CSMD1: variants seen among roughly 807,000 people sequenced by gnomAD.
CSMD1 encodes the protein CUB and Sushi multiple domains 1.
CSMD1 carries 213 observed loss-of-function variants against 417.5 expected under a neutral mutation model. That is an observed-to-expected ratio of 0.51 (90% CI 0.46 to 0.57). The LOEUF (loss-of-function observed/expected upper bound fraction) is 0.57. CSMD1 is among the 20% of genes least tolerant of loss of function. CSMD1 has a pLI of 0.00. For synonymous variants in CSMD1, 2,862 were observed against 1,736.8 expected (o/e 1.65, Z -16.11); for missense variants, 6,923 against 4,529.7 (o/e 1.53, Z -15.17).
At chr8:3,916,463 C>A (rs914736076) in intron 5 of CSMD1, among the ~76,000 whole-genome samples, 13 of 152,238 alleles carry the variant, frequency 8.5e-5, no homozygotes, top group Middle Eastern at 3.4e-3. Context: ...ATTACTTATA[C>A]ATAAAGGCTT....
At chr8:4,921,519 T>C (rs1806498716) in intron 1 of CSMD1, among the ~76,000 whole-genome samples, 1 of 152,244 alleles carries the variant, frequency 6.6e-6, no homozygotes, top group Non-Finnish European at 1.5e-5. Context: ...TTGGAATCAC[T>C]ATATAGTTGG....
chr8:3,582,564 G>A (rs561598918), intron 9 of CSMD1, among the ~76,000 whole-genome samples: 1 of 152,274 alleles, frequency 6.6e-6, no homozygotes, highest in African/African-American at 2.4e-5. Context: ...AACTGTAAAT[G>A]TCTAAACTTG....
At chr8:3,380,437 C>G (rs1196383929) in intron 18 of CSMD1, among the ~76,000 whole-genome samples, 1 of 152,184 alleles carries the variant, frequency 6.6e-6, no homozygotes, top group Non-Finnish European at 1.5e-5. Flanking sequence ...GACATATACA[C>G]ACATATGTTT....
chr8:4,413,265 G>C (rs1270117248), intron 3 of CSMD1, among the ~76,000 whole-genome samples: 1 of 152,144 alleles, frequency 6.6e-6, no homozygotes, highest in Non-Finnish European at 1.5e-5. Context: ...TCCTTTCCTT[G>C]AGGCTGATCC....
chr8:4,652,798 A>G (rs1366142371), intron 1 of CSMD1, among the ~76,000 whole-genome samples: 2 of 151,712 alleles, frequency 1.3e-5, no homozygotes, highest in Non-Finnish European at 2.9e-5. Context: ...GGGTGTGGGG[A>G]TGGTTTTGGG....
At chr8:3,708,526 G>C (rs781222074) in intron 6 of CSMD1, 35 bp from the exon 7 acceptor site, 7 of 1,576,946 alleles carry the variant, frequency 4.4e-6, no homozygotes, top group African/African-American at 1.3e-5. Context: ...TAGCAGGTAA[G>C]ACTTGGAGAT....
At chr8:4,773,335 C>T (rs1424409453) in intron 1 of CSMD1, among the ~76,000 whole-genome samples, 2 of 152,138 alleles carry the variant, frequency 1.3e-5, no homozygotes, top group African/African-American at 4.8e-5. Context: ...CTTCTAAGCT[C>T]ACTGACTGGT....
intron 1 of CSMD1, among the ~76,000 whole-genome samples, chr8:4,873,588 C>A (rs1563644422): frequency 6.6e-6 from 1 of 152,074 alleles, no homozygotes; most frequent in Non-Finnish European, 1.5e-5. Flanking sequence ...AACAATTCAA[C>A]TTTTTTCAAG....
At chr8:4,815,213 G>A (rs1799136429) in intron 1 of CSMD1, among the ~76,000 whole-genome samples, 1 of 151,786 alleles carries the variant, frequency 6.6e-6, no homozygotes, top group South Asian at 2.1e-4. Flanking sequence ...AAAGTTTTGT[G>A]GTTTCATCAA....
At chr8:3,120,693 A>C (rs1029649016) in intron 41 of CSMD1, among the ~76,000 whole-genome samples, 3 of 135,700 alleles carry the variant, frequency 2.2e-5, no homozygotes, top group Non-Finnish European at 3.0e-5. Flanking sequence ...CTAAAAATAC[A>C]AAAATTAGCC....
At position 2,983,992 on chromosome 8, in the gene CSMD1, C is replaced by A. The variant is rs559783945; in HGVS notation, c.8378-5192G>T. Among the ~76,000 whole-genome samples, 30 of 152,238 alleles carry A rather than the reference C, an allele frequency of 2.0e-4. 3 individuals carry two copies. The South Asian group carries it at 4.4e-3, about 22-fold the overall frequency. ...CAAAATTGGCAGAAATACACTGTTA[C>A]AGTATGAACTGGTAACTCCTGTTCC... On this transcript the variant is annotated intron_variant, in intron 54 of 69. Coordinates refer to ENST00000635120, the MANE Select transcript of CSMD1 (RefSeq NM_033225.6).
intron 4 of CSMD1, among the ~76,000 whole-genome samples, chr8:4,017,133 T>C (rs968572518): frequency 1.1e-4 from 16 of 152,342 alleles, no homozygotes; most frequent in East Asian, 1.9e-4. Flanking sequence ...CTCCATGCAA[T>C]TGTACATATC....
chr8:3,252,577 A>G (rs79865714), intron 26 of CSMD1, among the ~76,000 whole-genome samples: 118 of 152,342 alleles, frequency 7.7e-4, no homozygotes, highest in African/African-American at 2.7e-3. Context: ...CTGGCCTCAT[A>G]AAATGAGTTA....
At position 3,702,368 on chromosome 8, in the gene CSMD1, G is replaced by C. The variant is rs377725546; in HGVS notation, c.1009+6046C>G. 2.6e-5 allele frequency: 4 copies of C among 152,230 alleles called. No individual in the cohort carries two copies. In the South Asian group the frequency reaches 8.3e-4, roughly 32 times the overall value. The allele number at this position is 152,230 out of a possible 1,614,324, so 9.4% of individuals were successfully genotyped here. On this transcript the variant is annotated intron_variant, in intron 7 of 69. Transcript: ENST00000635120. ...TCTCTACTTCAAAATAACAACCAAT[G>C]TTTTGTTTATCTTTCTTCCTAGAGA... is the stretch of plus-strand genomic sequence containing the variant.
At chr8:4,466,479 C>G (rs544121953) in intron 2 of CSMD1, among the ~76,000 whole-genome samples, 2 of 151,588 alleles carry the variant, frequency 1.3e-5, no homozygotes, top group Non-Finnish European at 2.9e-5. Context: ...GAAATTTAGC[C>G]TATATATTGA....
At chr8:3,193,282 A>G (rs917555147) in intron 33 of CSMD1, among the ~76,000 whole-genome samples, 7 of 152,224 alleles carry the variant, frequency 4.6e-5, no homozygotes, top group African/African-American at 1.7e-4. Context: ...AGAGTGGTCT[A>G]TTTTCAAGGA....
intron 10 of CSMD1, among the ~76,000 whole-genome samples, chr8:3,564,517 TTGTGTGTGTGTGTGTG>T (rs34665230): frequency 6.9e-6 from 1 of 145,392 alleles, no homozygotes; most frequent in Non-Finnish European, 1.5e-5. Context: ...CACAGTATAT[TTGTGTGTGTGTGTGTG>T]TGTGTGTGTG....
intron 3 of CSMD1, among the ~76,000 whole-genome samples, chr8:4,302,879 G>C (rs141423332): frequency 6.6e-6 from 1 of 151,910 alleles, no homozygotes; most frequent in Non-Finnish European, 1.5e-5. Context: ...TTTAAATGTT[G>C]GCCTCCATGC....
chr8:3,396,883 A>G (rs534317259), intron 16 of CSMD1, among the ~76,000 whole-genome samples: 140 of 151,800 alleles, frequency 9.2e-4, no homozygotes, highest in African/African-American at 3.1e-3. Flanking sequence ...CCTTTCCTGA[A>G]AAAAAAAATC....
Sources: gnomAD v4.1 joint callset for allele counts (sites outside exome capture counted in the v4.1 genomes callset) on GRCh38, gnomAD v4.1.1 for gene constraint, MANE v1.5 for transcripts, NCBI Gene and HGNC (gene_info 2026-07-23, HGNC 2026-07-21) for gene names.